The following PCSK6 variants were observed in gnomAD, a reference collection of about 807,000 sequenced individuals.
PCSK6 encodes the protein proprotein convertase subtilisin/kexin type 6.
In PCSK6, 85 loss-of-function variants were observed where a neutral mutation model predicts 123.3. The ratio of observed to expected loss-of-function variants is 0.69; its 90% CI spans 0.58 to 0.83. The LOEUF is 0.83. Among genes scored for constraint, PCSK6 ranks in the 40% least tolerant of loss-of-function variants. The probability of loss-of-function intolerance (pLI) is 0.00; values close to 1 mark genes in which losing one functional copy is unlikely to be tolerated. For synonymous variants in PCSK6, 508 were observed against 516.0 expected (o/e 0.98, Z 0.21); for missense variants, 1,191 against 1,282.3 (o/e 0.93, Z 1.09).
intron 9 of PCSK6, among the ~76,000 whole-genome samples, chr15:101,387,838 A>AAC (rs2141530235): frequency 6.6e-6 from 1 of 152,266 alleles, no homozygotes; most frequent in Admixed American, 6.5e-5. Flanking sequence ...ATCCCAGGCT[A>AAC]CAGGTCTGCT....
intron 2 of PCSK6, among the ~76,000 whole-genome samples, chr15:101,432,773 C>T (rs1447122017): frequency 6.6e-6 from 1 of 152,114 alleles, no homozygotes; most frequent in African/African-American, 2.4e-5. Flanking sequence ...GAAATACACA[C>T]ATGGGAAAGC....
At position 101,384,444 on chromosome 15, in the gene PCSK6, C is replaced by T. The variant is rs966046608; in HGVS notation, c.1311-19G>A. ...CTGGCTGCTGCAATGACACAACACACCCTAGAGTCCACACAGCTCAACAAC... is the reference window on the plus strand; with the variant it reads ...CTGGCTGCTGCAATGACACAACACATCCTAGAGTCCACACAGCTCAACAAC... On this transcript the variant is annotated intron_variant, in intron 9 of 21. Coordinates refer to ENST00000611716, the MANE Select transcript of PCSK6 (RefSeq NM_002570.5). 1.9e-6 allele frequency: 3 copies of T among 1,604,456 alleles called. No individual in the cohort carries two copies. Among genetic ancestry groups the T allele is most frequent in the East Asian group, 4.5e-5 (2 of 44,670 alleles).
At chr15:101,427,723 G>A (rs948757759) in intron 6 of PCSK6, among the ~76,000 whole-genome samples, 169 bp downstream of exon 6, 6 of 152,244 alleles carry the variant, frequency 3.9e-5, no homozygotes, top group African/African-American at 1.4e-4. Context: ...AATCCCTGTG[G>A]GTCAGCTGCC....
intron 13 of PCSK6, among the ~76,000 whole-genome samples, chr15:101,332,295 A>G (rs532062992): frequency 6.6e-6 from 1 of 152,128 alleles, no homozygotes; most frequent in Non-Finnish European, 1.5e-5. Context: ...GCTGGGATGG[A>G]GGTCAGCCGG....
intron 1 of PCSK6, chr15:101,463,205 G>T: frequency 4.6e-6 from 2 of 436,166 alleles, no homozygotes; most frequent in South Asian, 3.2e-5. Flanking sequence ...CTCTGACTGT[G>T]GGTCGGTTTT....
chr15:101,457,364 C>T (rs1349869390), intron 1 of PCSK6, among the ~76,000 whole-genome samples: 1 of 152,108 alleles, frequency 6.6e-6, no homozygotes, highest in East Asian at 1.9e-4. Flanking sequence ...AGCAGCATTT[C>T]CTTGCCCAAG....
At chr15:101,431,961 G>T in intron 3 of PCSK6, 29 bp downstream of exon 3, 1 of 1,505,524 alleles carries the variant, frequency 6.6e-7, no homozygotes, top group Admixed American at 1.7e-5. Flanking sequence ...CAAGTGTCCT[G>T]GGGCAGACAG....
chr15:101,418,387 C>G (rs61284704), intron 6 of PCSK6, among the ~76,000 whole-genome samples: 28,592 of 152,110 alleles, frequency 0.19, 3,136 homozygotes, highest in East Asian at 0.38. Context: ...AACTGTGATT[C>G]TATCCATTTT....
rs568165313 is a variant in PCSK6, at chr15:101,388,261, T to C, written c.1310+1203A>G. On this transcript the variant is annotated intron_variant, in intron 9 of 21. Coordinates refer to ENST00000611716, the MANE Select transcript of PCSK6 (RefSeq NM_002570.5). Reference sequence around the variant, plus strand: ...AATATCAAACTGTTCCTTTGTTACATTGGTAGCATTTGAGTGTTACGCTCA... The same window carrying C: ...AATATCAAACTGTTCCTTTGTTACACTGGTAGCATTTGAGTGTTACGCTCA... Among the ~76,000 whole-genome samples the C allele has an allele frequency of 6.6e-5, 10 of 152,324 alleles. No homozygotes were observed. In the South Asian group the frequency reaches 1.9e-3, roughly 28 times the overall value.
chr15:101,343,136 T>A (rs1449498677), intron 13 of PCSK6, among the ~76,000 whole-genome samples: 1 of 152,090 alleles, frequency 6.6e-6, no homozygotes, highest in Non-Finnish European at 1.5e-5. Context: ...TTAAGTTGTA[T>A]TTTTTCTTGG....
At chr15:101,307,032 A>G (rs1200505678) in intron 21 of PCSK6, among the ~76,000 whole-genome samples, 181 bp downstream of exon 21, 1 of 152,200 alleles carries the variant, frequency 6.6e-6, no homozygotes, top group Admixed American at 6.5e-5. Context: ...GGAAGCTGGG[A>G]GACAGGGCAG....
At chr15:101,368,729 C>G (rs146427656) in intron 12 of PCSK6, among the ~76,000 whole-genome samples, 1 of 152,306 alleles carries the variant, frequency 6.6e-6, no homozygotes, top group East Asian at 1.9e-4. Context: ...GCTGCCAGCA[C>G]GGAAAACATG....
At chr15:101,345,122 G>A (rs12905972) in intron 13 of PCSK6, among the ~76,000 whole-genome samples, 30,718 of 151,982 alleles carry the variant, frequency 0.2, 3,380 homozygotes, top group South Asian at 0.3. Flanking sequence ...TATGTGGTCT[G>A]CTAGGTGGGC....
intron 1 of PCSK6, among the ~76,000 whole-genome samples, chr15:101,453,595 G>C (rs1017794795): frequency 8.5e-5 from 13 of 152,152 alleles, no homozygotes; most frequent in Non-Finnish European, 1.5e-4. Flanking sequence ...GCGCTCTCCC[G>C]AGTTTTTAAT....
chr15:101,413,184 T>C (rs1367933150), intron 6 of PCSK6, among the ~76,000 whole-genome samples: 1 of 152,184 alleles, frequency 6.6e-6, no homozygotes, highest in Non-Finnish European at 1.5e-5. Context: ...GAAGCAAAAA[T>C]TACAACACTG....
intron 8 of PCSK6, among the ~76,000 whole-genome samples, chr15:101,392,329 G>A (rs773639632): frequency 6.6e-6 from 1 of 152,220 alleles, no homozygotes; most frequent in Non-Finnish European, 1.5e-5. Flanking sequence ...GCGACAGAAC[G>A]ATGGCAGCTG....
At chr15:101,324,391 A>T (rs2220055) in intron 17 of PCSK6, among the ~76,000 whole-genome samples, 4 of 152,154 alleles carry the variant, frequency 2.6e-5, no homozygotes, top group Non-Finnish European at 5.9e-5. Context: ...AATCCCATGT[A>T]CCCTGACCCA....
intron 6 of PCSK6, among the ~76,000 whole-genome samples, chr15:101,421,045 C>T (rs1411697716): frequency 6.6e-6 from 1 of 152,106 alleles, no homozygotes; most frequent in Non-Finnish European, 1.5e-5. Context: ...CTTACAGGTT[C>T]AAGCAATTCT....
Position 101,394,937 on chromosome 15 carries a change from G to C in PCSK6, c.997-1513C>G, listed in dbSNP as rs576473781. ...GGGTGGCCAAGAGCTCAACAGAAAG[G>C]TCCCTCCCAGAAAAGCTAACCTTCT... On this transcript the variant is annotated intron_variant, in intron 7 of 21. Coordinates refer to ENST00000611716, the MANE Select transcript of PCSK6 (RefSeq NM_002570.5). Among the ~76,000 whole-genome samples, 163 of 152,334 alleles carry C rather than the reference G, an allele frequency of 1.1e-3. 2 individuals carry two copies. Among genetic ancestry groups the C allele is most frequent in the Non-Finnish European group, 4.4e-4 (30 of 68,032 alleles).
Sources: gnomAD v4.1 joint callset for allele counts (sites outside exome capture counted in the v4.1 genomes callset) on GRCh38, gnomAD v4.1.1 for gene constraint, MANE v1.5 for transcripts, NCBI Gene and HGNC (gene_info 2026-07-23, HGNC 2026-07-21) for gene names.